PCDHGA11: variants seen among roughly 807,000 people sequenced by gnomAD.
PCDHGA11 encodes protocadherin gamma-A11.
PCDHGA11 carries 39 observed loss-of-function variants against 60.4 expected under a neutral mutation model. That is an observed-to-expected ratio of 0.65 (90% confidence interval 0.50 to 0.84). PCDHGA11 has a LOEUF of 0.84. PCDHGA11 is among the 40% of genes least tolerant of loss of function. The pLI is 0.00. For synonymous variants in PCDHGA11, 533 were observed against 510.3 expected (o/e 1.04, Z -0.60); for missense variants, 1,165 against 1,197.7 (o/e 0.97, Z 0.40).
At chr5:141,428,019 G>C in intron 1 of PCDHGA11, 1 of 1,604,824 alleles carries the variant, frequency 6.2e-7, no homozygotes, top group Non-Finnish European at 8.5e-7. Flanking sequence ...AGTGCCACGC[G>C]CCGCAGAGTC....
At position 141,491,809 on chromosome 5, in the gene PCDHGA11, C is replaced by A. The variant is rs1421763758; in HGVS notation, c.2434-2998C>A. The A allele has an allele frequency of 6.7e-7, 1 of 1,487,044 alleles. No homozygotes were observed. The highest frequency in any genetic ancestry group is 1.4e-5 in the South Asian group (1 of 72,986). The allele number at this position is 1,487,044 out of a possible 1,614,324, so 92.1% of individuals were successfully genotyped here. On this transcript the variant is annotated intron_variant, in intron 1 of 3. Coordinates refer to ENST00000398587, the MANE Select transcript of PCDHGA11 (RefSeq NM_018914.3). This position sits in a 1 kb window ranked among gnomAD's most constrained non-coding sequence, Gnocchi z 6.9. Reference sequence around the variant, plus strand: ...TCCACTCCTCTCCGGCCGGCTTGGTCGCTGGCTGCGCTCCACCCGATTCTC... The same window carrying A: ...TCCACTCCTCTCCGGCCGGCTTGGTAGCTGGCTGCGCTCCACCCGATTCTC...
intron 1 of PCDHGA11, among the ~76,000 whole-genome samples, chr5:141,452,909 T>C (rs1408054133): frequency 6.6e-6 from 1 of 152,232 alleles, no homozygotes; most frequent in Non-Finnish European, 1.5e-5. Flanking sequence ...GTTGGCATTA[T>C]ACAGTAAGAA....
chr5:141,428,223 A>C (rs539110667), intron 1 of PCDHGA11: 30 of 1,169,680 alleles, frequency 2.6e-5, no homozygotes, highest in Admixed American at 2.5e-4. Flanking sequence ...TAGTCTTCGC[A>C]GACAGCCTGC....
intron 3 of PCDHGA11, among the ~76,000 whole-genome samples, chr5:141,508,649 C>T (rs1303066200): frequency 6.6e-6 from 1 of 152,126 alleles, no homozygotes; most frequent in Non-Finnish European, 1.5e-5. Flanking sequence ...CCGTCAGGCC[C>T]TTCCTGTCAT....
Position 141,501,335 on chromosome 5 carries a change from C to A in PCDHGA11, c.2493-4058C>A, listed in dbSNP as rs977626682. 1.5e-4 allele frequency among the ~76,000 whole-genome samples: 20 copies of A among 135,718 alleles called. No individual in the cohort carries two copies. In the East Asian group the frequency reaches 2.2e-3, roughly 15 times the overall value. The allele number at this position is 135,718 out of a possible 152,430, so 89.0% of individuals were successfully genotyped here. The stretch of plus-strand genomic sequence containing the variant: ...CACACACACACACACACACACACAC[C>A]CCAAACTCAATAGGGCAAGAACCAT... On this transcript the variant is annotated intron_variant, in intron 2 of 3. Transcript: ENST00000398587.
chr5:141,473,053 TACA>T (rs1452453123), intron 1 of PCDHGA11, among the ~76,000 whole-genome samples: 1 of 150,200 alleles, frequency 6.7e-6, no homozygotes, highest in Non-Finnish European at 1.5e-5. Flanking sequence ...AAAGAAGTGA[TACA>T]ACAAGTTACA....
At chr5:141,506,351 A>G (rs1029519620) in intron 3 of PCDHGA11, among the ~76,000 whole-genome samples, 2 of 150,784 alleles carry the variant, frequency 1.3e-5, no homozygotes, top group African/African-American at 4.9e-5. Context: ...TGGGAGGCTG[A>G]GGCAGGAGAA....
Position 141,422,492 on chromosome 5 carries a change from C to T in PCDHGA11, c.1265C>T (p.Thr422Met), listed in dbSNP as rs747903569. 2.5e-6 allele frequency: 4 copies of T among 1,613,934 alleles called. No homozygotes were observed. The East Asian group carries it at 6.7e-5, about 27-fold the overall frequency. ...GAGTTGGTCCAGAGCTACAATATAA[C>T]GTTGACAGCCACAGACCAGGGAAGC... ...DRELVQSYNI[T>M]LTATDQGSPP... Residue 422 changes from threonine (T) to methionine (M), a missense_variant, in exon 1 of 4, where the codon ACG becomes ATG. Physicochemically the swap from Thr to Met is moderately conservative, Grantham distance 81. Coordinates refer to ENST00000398587, the MANE Select transcript of PCDHGA11 (RefSeq NM_018914.3).
Position 141,511,159 on chromosome 5 carries a change from AAGG to A in PCDHGA11, c.2797_2799del (p.Glu933del), listed in dbSNP as rs1477173987. 3 of 1,614,186 alleles carry A rather than the reference AAGG, an allele frequency of 1.9e-6. No individual in the cohort carries two copies. The highest frequency in any genetic ancestry group is 2.2e-5 in the East Asian group (1 of 44,872). On this transcript the variant is annotated inframe_deletion, in exon 4 of 4. Coordinates refer to ENST00000398587, the MANE Select transcript of PCDHGA11 (RefSeq NM_018914.3). ...TGGCAACAAGAAGAAGTCGGGCAAG[AAGG>A]AGAAGAAGTAACATGGAGGCCAGGC... is the stretch of plus-strand genomic sequence containing the variant.
At chr5:141,434,713 T>C (rs1377558306) in intron 1 of PCDHGA11, among the ~76,000 whole-genome samples, 1 of 152,088 alleles carries the variant, frequency 6.6e-6, no homozygotes, top group Non-Finnish European at 1.5e-5. Flanking sequence ...GGTAAATCTC[T>C]GTTCAGGGCT....
Position 141,489,089 on chromosome 5 carries a change from A to G in PCDHGA11, c.2434-5718A>G. 5.6e-5 allele frequency: 16 copies of G among 284,404 alleles called. No individual in the cohort carries two copies. The highest frequency in any genetic ancestry group is 9.0e-5 in the Non-Finnish European group (14 of 156,416). The allele number at this position is 284,404 out of a possible 1,614,324, so 17.6% of individuals were successfully genotyped here. On this transcript the variant is annotated intron_variant, in intron 1 of 3. Coordinates refer to ENST00000398587, the MANE Select transcript of PCDHGA11 (RefSeq NM_018914.3). The surrounding 1 kb of genome is among the most constrained non-coding windows in gnomAD (Gnocchi z 4.5). ...CCCTGCCCACCCCCGCCACTCGGTG[A>G]CTAAGAACTGCTGCAAGCAGGCAAA...
chr5:141,465,627 A>C lies in PCDHGA11; in HGVS notation c.2434-29180A>C, dbSNP rs370355596. 1.1e-4 allele frequency among the ~76,000 whole-genome samples: 17 copies of C among 152,326 alleles called. 1 individual carries two copies. The South Asian group carries it at 3.3e-3, about 30-fold the overall frequency. On this transcript the variant is annotated intron_variant, in intron 1 of 3. Coordinates refer to ENST00000398587, the MANE Select transcript of PCDHGA11 (RefSeq NM_018914.3). ...TCTTTGGCCCTCCAGGAAGTCAACCAGCAAAATGCTTTGAACATCCCAAAA... is the reference window on the plus strand; with the variant it reads ...TCTTTGGCCCTCCAGGAAGTCAACCCGCAAAATGCTTTGAACATCCCAAAA...
intron 1 of PCDHGA11, chr5:141,479,468 T>C (rs1473966646): frequency 1.3e-5 from 2 of 152,248 alleles, no homozygotes; most frequent in African/African-American, 4.8e-5. Context: ...TACAGTGACC[T>C]CTTGGGAGGG....
At chr5:141,481,999 C>T (rs958678555) in intron 1 of PCDHGA11, among the ~76,000 whole-genome samples, 7 of 149,942 alleles carry the variant, frequency 4.7e-5, no homozygotes, top group Admixed American at 2.0e-4. Flanking sequence ...GCAGGAGAAT[C>T]GCTTTATCTC....
In PCDHGA11 at chr5:141,491,276, A is replaced by G; in HGVS notation, c.2434-3531A>G. The G allele has an allele frequency of 6.2e-7, 1 of 1,614,104 alleles. No individual in the cohort carries two copies. On this transcript the variant is annotated intron_variant, in intron 1 of 3. Coordinates refer to ENST00000398587, the MANE Select transcript of PCDHGA11 (RefSeq NM_018914.3). The surrounding 1 kb of genome is among the most constrained non-coding windows in gnomAD (Gnocchi z 6.9). ...CCTGAGGAAATGCCCAAATCCAGTG[A>G]CTTCCTCATACACCCTCCTGAGCGT...
intron 1 of PCDHGA11, chr5:141,478,825 T>G: frequency 1.4e-6 from 2 of 1,441,878 alleles, no homozygotes; most frequent in East Asian, 5.0e-5. Context: ...TAACCAATCT[T>G]GCTAAGGGAT....
Position 141,491,874 on chromosome 5 carries a change from T to G in PCDHGA11, c.2434-2933T>G, listed in dbSNP as rs1160702024. On this transcript the variant is annotated intron_variant, in intron 1 of 3. Coordinates refer to ENST00000398587, the MANE Select transcript of PCDHGA11 (RefSeq NM_018914.3). The surrounding 1 kb of genome is among the most constrained non-coding windows in gnomAD (Gnocchi z 6.9). ...GTTTGCGCGAAACCAGAGTGGCCGA[T>G]TAAGGGATGGGGCTCCGAGCACCGG... 15 of 1,451,168 alleles carry G rather than the reference T, an allele frequency of 1.0e-5. No homozygotes were observed. The highest frequency in any genetic ancestry group is 1.4e-5 in the Non-Finnish European group (15 of 1,098,162). 89.9% of individuals were successfully genotyped at this position (1,451,168 alleles called of 1,614,324 possible). A position where few individuals can be genotyped will look rare whatever the true frequency, so the allele number is the denominator to read the frequency against.
chr5:141,464,394 G>A (rs1277856342), intron 1 of PCDHGA11, among the ~76,000 whole-genome samples: 1 of 150,654 alleles, frequency 6.6e-6, no homozygotes. Context: ...TGCTAATGAA[G>A]AACCTGAGAT....
intron 1 of PCDHGA11, chr5:141,478,106 G>T: frequency 6.2e-7 from 1 of 1,614,046 alleles, no homozygotes; most frequent in Non-Finnish European, 8.5e-7. Flanking sequence ...TACCCTCACT[G>T]TGTCAGTAAC....
Sources: allele counts gnomAD v4.1 joint callset (sites outside exome capture counted in the v4.1 genomes callset), GRCh38; gene constraint gnomAD v4.1.1; non-coding constraint Gnocchi (gnomAD v3.1); transcripts MANE v1.5; gene names NCBI Gene and HGNC (gene_info 2026-07-23, HGNC 2026-07-21).